PPM1H: variants seen among roughly 807,000 people sequenced by gnomAD.
PPM1H encodes protein phosphatase, Mg2+/Mn2+ dependent 1H.
A neutral mutation model predicts 54.9 loss-of-function variants in PPM1H; 27 were observed. That is an observed-to-expected ratio of 0.49 (90% CI 0.36 to 0.68). The LOEUF (loss-of-function observed/expected upper bound fraction) is 0.68. PPM1H is among the 30% of genes least tolerant of loss of function. The pLI, the probability that PPM1H is intolerant of heterozygous loss-of-function variation, is 0.00. For missense variants in PPM1H, 596 were observed against 667.8 expected, an observed-to-expected ratio of 0.89 and a Z score of 1.19; for synonymous variants, 305 against 270.8, an observed-to-expected ratio of 1.13 and a Z score of -1.24.
intron 1 of PPM1H, among the ~76,000 whole-genome samples, chr12:62,914,859 C>T (rs1208510293): frequency 6.6e-6 from 1 of 152,190 alleles, no homozygotes; most frequent in Non-Finnish European, 1.5e-5. Context: ...TAACATCTCT[C>T]TTCCTTATTC....
intron 8 of PPM1H, among the ~76,000 whole-genome samples, chr12:62,682,685 G>T (rs1371459616): frequency 1.3e-5 from 2 of 152,128 alleles, no homozygotes; most frequent in African/African-American, 4.8e-5. Flanking sequence ...TAAACTTTTT[G>T]TAGAGACAGG....
intron 5 of PPM1H, among the ~76,000 whole-genome samples, chr12:62,733,529 T>C (rs1465507149): frequency 6.6e-6 from 1 of 152,196 alleles, no homozygotes; most frequent in Non-Finnish European, 1.5e-5. Context: ...AGTGCTAGGA[T>C]TACAGGTGTG....
In PPM1H at chr12:62,707,296, T is replaced by G. The variant is rs529197915; in HGVS notation, c.1073+12875A>C. ...GACCCACCGTTGCACCTGAAGGCTTTACCATCCCTTATCAGCCACTGCCAG... is the reference window on the plus strand; with the variant it reads ...GACCCACCGTTGCACCTGAAGGCTTGACCATCCCTTATCAGCCACTGCCAG... On this transcript the variant is annotated intron_variant, in intron 6 of 9. Coordinates refer to ENST00000228705, the MANE Select transcript of PPM1H (RefSeq NM_020700.2). Among the ~76,000 whole-genome samples the G allele has an allele frequency of 2.0e-5, 3 of 152,330 alleles. No homozygotes were observed. The East Asian group carries it at 5.8e-4, about 29-fold the overall frequency.
chr12:62,797,711 T>G (rs2076742871), intron 3 of PPM1H, among the ~76,000 whole-genome samples: 1 of 152,224 alleles, frequency 6.6e-6, no homozygotes, highest in Admixed American at 6.5e-5. Flanking sequence ...GCTATTATTT[T>G]GAAGCTGGTA....
At chr12:62,791,212 T>C (rs1344933980) in intron 3 of PPM1H, among the ~76,000 whole-genome samples, 2 of 152,206 alleles carry the variant, frequency 1.3e-5, no homozygotes, top group Non-Finnish European at 1.5e-5. Context: ...CATGCTTCAA[T>C]TAAAATGCTT....
intron 6 of PPM1H, among the ~76,000 whole-genome samples, chr12:62,718,008 A>G (rs2076244622): frequency 6.6e-6 from 1 of 152,252 alleles, no homozygotes; most frequent in African/African-American, 2.4e-5. Context: ...TAGAAAGAAC[A>G]TAGGTACAGC....
chr12:62,761,542 G>A (rs1398177748), intron 4 of PPM1H, among the ~76,000 whole-genome samples: 1 of 152,004 alleles, frequency 6.6e-6, no homozygotes, highest in Non-Finnish European at 1.5e-5. Context: ...GCTAAAATTG[G>A]TCTATGTTTT....
chr12:62,736,722 G>A (rs1449685498), intron 5 of PPM1H, among the ~76,000 whole-genome samples: 4 of 152,196 alleles, frequency 2.6e-5, no homozygotes, highest in Admixed American at 2.6e-4. Flanking sequence ...CTTTAGCTGT[G>A]TTGTCTACAA....
intron 1 of PPM1H, among the ~76,000 whole-genome samples, chr12:62,927,876 G>A (rs564512252): frequency 7.6e-4 from 115 of 151,990 alleles, no homozygotes; most frequent in African/African-American, 2.3e-3. Context: ...TTTTCACTCT[G>A]TTCTTCATAT....
At chr12:62,676,760 A>G (rs987276201) in intron 8 of PPM1H, among the ~76,000 whole-genome samples, 6 of 152,138 alleles carry the variant, frequency 3.9e-5, no homozygotes, top group African/African-American at 1.2e-4. Flanking sequence ...GGGTGGCTCA[A>G]GGTGGGCCTG....
intron 4 of PPM1H, among the ~76,000 whole-genome samples, chr12:62,751,511 T>C (rs1309529481): frequency 2.0e-5 from 3 of 152,176 alleles, no homozygotes; most frequent in Admixed American, 1.3e-4. Flanking sequence ...GGAAATCACA[T>C]CAAATCAGTA....
intron 6 of PPM1H, among the ~76,000 whole-genome samples, chr12:62,718,053 A>G (rs1476732082): frequency 6.6e-6 from 1 of 152,240 alleles, no homozygotes; most frequent in African/African-American, 2.4e-5. Flanking sequence ...AAATGTGCAC[A>G]TCAACTGTCT....
At chr12:62,840,067 G>GAGAGAC (rs1207676350) in intron 1 of PPM1H, 1 of 146,950 alleles carries the variant, frequency 6.8e-6, no homozygotes, top group African/African-American at 2.7e-5. Flanking sequence ...GAGAGAGAGA[G>GAGAGAC]AGAGAGAGAG....
Position 62,704,262 on chromosome 12 carries a change from C to T in PPM1H, c.1074-10263G>A, listed in dbSNP as rs150896825. On this transcript the variant is annotated intron_variant, in intron 6 of 9. Transcript: ENST00000228705. The stretch of plus-strand genomic sequence containing the variant: ...CCCCAGGGTGAGTCTGAAGAGGCTG[C>T]GAAACACCCTCTATCCAGCTGGGAG... Among the ~76,000 whole-genome samples, 352 of 152,176 alleles carry T rather than the reference C, an allele frequency of 2.3e-3. 1 individual carries two copies. The highest frequency in any genetic ancestry group is 8.0e-3 in the African/African-American group (333 of 41,514).
chr12:62,735,969 T>C (rs1429197138), intron 5 of PPM1H, among the ~76,000 whole-genome samples: 3 of 152,122 alleles, frequency 2.0e-5, no homozygotes, highest in East Asian at 1.9e-4. Flanking sequence ...GGTGGCAACA[T>C]TGAGATAGGA....
intron 6 of PPM1H, among the ~76,000 whole-genome samples, chr12:62,710,314 T>C (rs1213065331): frequency 6.6e-6 from 1 of 152,016 alleles, no homozygotes; most frequent in East Asian, 1.9e-4. Flanking sequence ...GGCAGATTAC[T>C]TGAGCTCAGG....
At chr12:62,885,916 C>T (rs1870571160) in intron 1 of PPM1H, among the ~76,000 whole-genome samples, 1 of 152,156 alleles carries the variant, frequency 6.6e-6, no homozygotes. Context: ...ATAGTAACAT[C>T]AGGGCTATAA....
At chr12:62,649,235 T>G (rs1455817785) in intron 9 of PPM1H, among the ~76,000 whole-genome samples, 2 of 150,876 alleles carry the variant, frequency 1.3e-5, no homozygotes, top group East Asian at 1.9e-4. Context: ...TTTTTTTTTG[T>G]AAATGACTGA....
chr12:62,906,229 C>T (rs931902775), intron 1 of PPM1H, among the ~76,000 whole-genome samples: 5 of 152,180 alleles, frequency 3.3e-5, no homozygotes, highest in Admixed American at 2.0e-4. Flanking sequence ...GCACATTGCT[C>T]TAACACTGGA....
Sources: allele counts gnomAD v4.1 joint callset (sites outside exome capture counted in the v4.1 genomes callset), GRCh38; gene constraint gnomAD v4.1.1; transcripts MANE v1.5; gene names NCBI Gene and HGNC (gene_info 2026-07-23, HGNC 2026-07-21).